The following SNPH variants were observed in gnomAD, a reference collection of about 807,000 sequenced individuals.
SNPH encodes the protein syntaphilin.
In SNPH, 10 loss-of-function variants were observed where a neutral mutation model predicts 36.8. The ratio of observed to expected loss-of-function variants is 0.27; its 90% CI spans 0.17 to 0.46. The LOEUF (loss-of-function observed/expected upper bound fraction) is 0.46. SNPH is among the 20% of genes least tolerant of loss of function. The pLI, the probability that SNPH is intolerant of heterozygous loss-of-function variation, is 1.00. For synonymous variants in SNPH, 281 were observed against 312.2 expected (o/e 0.90, Z 1.05); for missense variants, 622 against 744.0 (o/e 0.84, Z 1.91).
intron 2 of SNPH, among the ~76,000 whole-genome samples, chr20:1,286,619 T>C (rs1600253484): frequency 6.6e-6 from 1 of 152,222 alleles, no homozygotes; most frequent in South Asian, 2.1e-4. Context: ...CCTGCTTCTA[T>C]GGCTCCATTG....
chr20:1,281,124 G>A (rs2088213457), intron 2 of SNPH, among the ~76,000 whole-genome samples: 1 of 152,168 alleles, frequency 6.6e-6, no homozygotes, highest in Non-Finnish European at 1.5e-5. Flanking sequence ...ACAGAGGCCT[G>A]GGCGTCATCA....
intron 2 of SNPH, among the ~76,000 whole-genome samples, chr20:1,280,409 G>C (rs1011737039): frequency 2.0e-5 from 3 of 152,222 alleles, no homozygotes; most frequent in Non-Finnish European, 4.4e-5. Flanking sequence ...GGCTGAAGAG[G>C]CTTGGGAGAG....
chr20:1,279,615 C>CTTTTT (rs1259483361), intron 2 of SNPH, among the ~76,000 whole-genome samples: 45 of 111,664 alleles, frequency 4.0e-4, no homozygotes, highest in African/African-American at 1.3e-3. Flanking sequence ...GAGACTCCGG[C>CTTTTT]TTCTTTTTTT....
Position 1,291,578 on chromosome 20 carries a change from C to G in SNPH, c.-492-3373C>G, listed in dbSNP as rs528648696. Among the ~76,000 whole-genome samples the G allele has an allele frequency of 1.7e-4, 26 of 152,304 alleles. 2 individuals carry two copies. The highest frequency in any genetic ancestry group is 6.3e-4 in the African/African-American group (26 of 41,556). On this transcript the variant is annotated intron_variant, in intron 2 of 6. Coordinates refer to ENST00000381867, the MANE Select transcript of SNPH (RefSeq NM_001318234.2). ...TAGCATTCTAGGAGCACCAGGCACT[C>G]TGCTGTCTGATGGGTGGAATGTTCT...
chr20:1,291,360 C>T (rs771878858), intron 2 of SNPH, among the ~76,000 whole-genome samples: 6 of 152,162 alleles, frequency 3.9e-5, no homozygotes, highest in Non-Finnish European at 8.8e-5. Flanking sequence ...GCCAGCAAGT[C>T]CTGGAAGGAA....
chr20:1,307,260 A>G lies in SNPH; in HGVS notation c.*1206A>G, dbSNP rs2122475200. 6.6e-6 allele frequency: 1 copy of G among 152,492 alleles called. No homozygotes were observed. The highest frequency in any genetic ancestry group is 2.1e-4 in the South Asian group (1 of 4,828). 9.4% of individuals were successfully genotyped at this position (152,492 alleles called of 1,614,324 possible). A position where few individuals can be genotyped will look rare whatever the true frequency, so the allele number is the denominator to read the frequency against. On this transcript the variant is annotated 3_prime_UTR_variant, in exon 7 of 7. Coordinates refer to ENST00000381867, the MANE Select transcript of SNPH (RefSeq NM_001318234.2). ...TGAAGCCACGATGTTCATCCAGGCCAAAGCAGGGTGTCCTGGGATAGGTTT... is the reference window on the plus strand; with the variant it reads ...TGAAGCCACGATGTTCATCCAGGCCGAAGCAGGGTGTCCTGGGATAGGTTT...
At chr20:1,297,451 T>C (rs921395678) in intron 5 of SNPH, among the ~76,000 whole-genome samples, 199 bp downstream of exon 5, 1 of 152,226 alleles carries the variant, frequency 6.6e-6, no homozygotes, top group Non-Finnish European at 1.5e-5. Flanking sequence ...AATATACAGC[T>C]GGACATAAAA....
At position 1,305,152 on chromosome 20, in the gene SNPH, G is replaced by T; in HGVS notation, c.715G>T (p.Asp239Tyr). 1 of 1,613,414 alleles carries T rather than the reference G, an allele frequency of 6.2e-7. No individual in the cohort carries two copies. The highest frequency in any genetic ancestry group is 8.5e-7 in the Non-Finnish European group (1 of 1,179,952). ...GGCCCAGAATGGCATGGCCAAGGAG[G>T]ATGGCACTGGGGAGTCAGCCGGTGG... ...EVAQNGMAKE[D>Y]GTGESAGGSP... is the part of the protein sequence containing the mutation. The change falls in exon 7 of 7, where the codon GAT becomes TAT. Residue 239 changes from aspartate to tyrosine, a missense_variant. This residue lies in a region of SNPH where 379 missense variants were observed against 427.9 expected (regional missense o/e 0.89). Transcript: ENST00000381867.
intron 5 of SNPH, among the ~76,000 whole-genome samples, chr20:1,300,168 C>T (rs1329340211): frequency 6.6e-6 from 1 of 152,178 alleles, no homozygotes; most frequent in Non-Finnish European, 1.5e-5. Context: ...CTGAGGGGCT[C>T]GGGGCAAGAG....
chr20:1,282,371 G>A (rs1210759145), intron 2 of SNPH, among the ~76,000 whole-genome samples: 4 of 152,238 alleles, frequency 2.6e-5, no homozygotes, highest in Non-Finnish European at 5.9e-5. Context: ...GGAATACTAT[G>A]CAGCCCATAA....
In SNPH at chr20:1,283,190, G is replaced by A. The variant is rs187828120; in HGVS notation, c.-492-11761G>A. On this transcript the variant is annotated intron_variant, in intron 2 of 6. Transcript: ENST00000381867. ...CCCAAGTAGCCCATTCTTCTTACCT[G>A]ACAGCTGGGAACCAACCAAAAGAAC... Among the ~76,000 whole-genome samples the A allele has an allele frequency of 3.6e-4, 55 of 152,264 alleles. No homozygotes were observed. The East Asian group carries it at 0.01, about 28-fold the overall frequency.
Position 1,266,874 on chromosome 20 carries a change from G to C in SNPH, c.-493+114G>C. 8.0e-7 allele frequency: 1 copy of C among 1,250,166 alleles called. No homozygotes were observed. The highest frequency in any genetic ancestry group is 1.0e-6 in the Non-Finnish European group (1 of 993,286). 77.4% of individuals were successfully genotyped at this position (1,250,166 alleles called of 1,614,324 possible). On this transcript the variant is annotated intron_variant, in intron 2 of 6. Coordinates refer to ENST00000381867, the MANE Select transcript of SNPH (RefSeq NM_001318234.2). The surrounding 1 kb of genome is among the most constrained non-coding windows in gnomAD (Gnocchi z 6.0). ...CCCTTGGAGGGCACCAGCCTAAGAG[G>C]GGTTAATCGTGACTCATTCTTACCC...
intron 4 of SNPH, 36 bp from the exon 5 acceptor site, chr20:1,297,109 C>G: frequency 6.3e-7 from 1 of 1,588,222 alleles, no homozygotes. Context: ...TGCCCGCCAG[C>G]CAGAACGAGC....
At chr20:1,288,715 A>G (rs2088314416) in intron 2 of SNPH, among the ~76,000 whole-genome samples, 1 of 146,648 alleles carries the variant, frequency 6.8e-6, no homozygotes, top group Admixed American at 7.1e-5. Flanking sequence ...TCTGCCTCCC[A>G]GGCTCAAGAT....
At chr20:1,297,457 T>TA (rs1278268741) in intron 5 of SNPH, among the ~76,000 whole-genome samples, 1 of 152,084 alleles carries the variant, frequency 6.6e-6, no homozygotes, top group Non-Finnish European at 1.5e-5. Context: ...CAGCTGGACA[T>TA]AAAAAAATAC....
chr20:1,305,854 C>A lies in SNPH; in HGVS notation c.1417C>A (p.Leu473Met). The A allele has an allele frequency of 6.3e-7, 1 of 1,594,494 alleles. No homozygotes were observed. Residue 473 changes from leucine (L) to methionine (M), a missense_variant, in exon 7 of 7, where the codon CTG becomes ATG. This residue lies in a region of SNPH where 379 missense variants were observed against 427.9 expected (regional missense o/e 0.89). Transcript: ENST00000381867. ...CTGGAGCCGCCACTACATCGTGGAT[C>A]TGCTGGCTGTGGTGGTGCCGGCCGT... ...SYWSRHYIVD[L>M]LAVVVPAVPT...
At chr20:1,292,509 C>T (rs1421368084) in intron 2 of SNPH, among the ~76,000 whole-genome samples, 1 of 152,230 alleles carries the variant, frequency 6.6e-6, no homozygotes, top group Non-Finnish European at 1.5e-5. Flanking sequence ...GACCCTGGCC[C>T]AGGCCCTCCT....
chr20:1,283,231 T>G (rs2088246613), intron 2 of SNPH, among the ~76,000 whole-genome samples: 1 of 152,176 alleles, frequency 6.6e-6, no homozygotes, highest in Non-Finnish European at 1.5e-5. Flanking sequence ...AAGGCTGCAT[T>G]CTCAGCCTCC....
chr20:1,289,907 A>T (rs965967846), intron 2 of SNPH, among the ~76,000 whole-genome samples: 1 of 151,942 alleles, frequency 6.6e-6, no homozygotes, highest in African/African-American at 2.4e-5. Context: ...ATTCCATAAA[A>T]TTTATCCTTT....
Sources: gnomAD v4.1 joint callset for allele counts (sites outside exome capture counted in the v4.1 genomes callset) on GRCh38, gnomAD v4.1.1 for gene constraint, gnomAD v4.1.1 regional missense constraint, Gnocchi (gnomAD v3.1) non-coding constraint, MANE v1.5 for transcripts, NCBI Gene and HGNC (gene_info 2026-07-23, HGNC 2026-07-21) for gene names.